THSD7B: variants seen among roughly 807,000 people sequenced by gnomAD.
THSD7B encodes the protein thrombospondin type 1 domain containing 7B.
THSD7B carries 138 observed loss-of-function variants against 213.6 expected under a neutral mutation model. The observed-to-expected ratio is 0.65, with a 90% CI of 0.56 to 0.74. The LOEUF is 0.74. THSD7B is among the 30% of genes least tolerant of loss of function. THSD7B has a pLI of 0.00. For synonymous variants in THSD7B, 742 were observed against 687.0 expected, an observed-to-expected ratio of 1.08 and a Z score of -1.25; for missense variants, 1,931 against 1,991.5, an observed-to-expected ratio of 0.97 and a Z score of 0.58.
chr2:136,925,102 A>G (rs573531), intron 2 of THSD7B, among the ~76,000 whole-genome samples: 150,022 of 152,286 alleles, frequency 0.99, 73,944 homozygotes, highest in East Asian at 1. Flanking sequence ...TTCCACACAC[A>G]CAATGAGGTC....
At chr2:137,259,624 C>G (rs1444397549) in intron 10 of THSD7B, among the ~76,000 whole-genome samples, 2 of 152,022 alleles carry the variant, frequency 1.3e-5, no homozygotes, top group African/African-American at 4.8e-5. Context: ...TTCTCCCATT[C>G]TGTATGTTGC....
At chr2:137,093,775 G>C (rs911922943) in intron 3 of THSD7B, among the ~76,000 whole-genome samples, 1 of 149,296 alleles carries the variant, frequency 6.7e-6, no homozygotes, top group Non-Finnish European at 1.5e-5. Flanking sequence ...TTTATTATTA[G>C]TATACTTTAA....
At position 136,795,747 on chromosome 2, in the gene THSD7B, G is replaced by A. The variant is rs189224302; in HGVS notation, c.-36+30060G>A. ...ACTCTCACTCCAACCCCTCTCTCTT[G>A]CCTTTTTGAGAATTAAATGAGTATT... On this transcript the variant is annotated intron_variant, in intron 1 of 27. Transcript: ENST00000409968. Among the ~76,000 whole-genome samples the A allele has an allele frequency of 3.0e-4, 45 of 151,538 alleles. No homozygotes were observed. In the East Asian group the frequency reaches 8.6e-3, roughly 29 times the overall value.
intron 17 of THSD7B, among the ~76,000 whole-genome samples, chr2:137,604,498 CT>C (rs1558856773): frequency 6.6e-6 from 1 of 152,104 alleles, no homozygotes; most frequent in Non-Finnish European, 1.5e-5. Flanking sequence ...CAGATTTTTG[CT>C]TTGAATTTTA....
chr2:137,604,437 G>A (rs1039570345), intron 17 of THSD7B, among the ~76,000 whole-genome samples: 1 of 152,074 alleles, frequency 6.6e-6, no homozygotes, highest in African/African-American at 2.4e-5. Flanking sequence ...CACTTTACCT[G>A]TGATTTTTAT....
At chr2:136,855,920 C>T (rs1056815349) in intron 1 of THSD7B, among the ~76,000 whole-genome samples, 1 of 152,046 alleles carries the variant, frequency 6.6e-6, no homozygotes, top group Non-Finnish European at 1.5e-5. Context: ...CCTCCTTTTC[C>T]CCAGATCTTC....
chr2:136,908,275 A>G (rs1323181551), intron 2 of THSD7B, among the ~76,000 whole-genome samples: 1 of 152,206 alleles, frequency 6.6e-6, no homozygotes, highest in Non-Finnish European at 1.5e-5. Flanking sequence ...AGCAGCAATA[A>G]TAATATTTAT....
At chr2:136,861,976 C>G (rs1683264364) in intron 1 of THSD7B, among the ~76,000 whole-genome samples, 2 of 152,160 alleles carry the variant, frequency 1.3e-5, no homozygotes, top group African/African-American at 4.8e-5. Flanking sequence ...TGGTTGTTGG[C>G]AGAAGACCTC....
intron 20 of THSD7B, among the ~76,000 whole-genome samples, chr2:137,630,009 C>T (rs1373341251): frequency 5.5e-5 from 8 of 146,654 alleles, no homozygotes; most frequent in Non-Finnish European, 7.5e-5. Context: ...TTTTTTTTTT[C>T]GCGATACAGA....
chr2:137,657,351 A>C (rs565038525), intron 24 of THSD7B, among the ~76,000 whole-genome samples, 191 bp downstream of exon 24: 100 of 152,364 alleles, frequency 6.6e-4, no homozygotes, highest in African/African-American at 2.3e-3. Context: ...ACCTATAAAA[A>C]TATCAAACAA....
chr2:137,219,163 A>G (rs1167545501), intron 7 of THSD7B, among the ~76,000 whole-genome samples: 1 of 152,132 alleles, frequency 6.6e-6, no homozygotes, highest in African/African-American at 2.4e-5. Flanking sequence ...ACTAGTCATT[A>G]GACCCCTGCC....
chr2:137,381,828 A>G (rs767509375), intron 12 of THSD7B, among the ~76,000 whole-genome samples: 3 of 152,156 alleles, frequency 2.0e-5, no homozygotes, highest in African/African-American at 7.2e-5. Context: ...CCACCCAGGG[A>G]CTTCAGCTCA....
intron 2 of THSD7B, among the ~76,000 whole-genome samples, chr2:137,041,304 TGATGATGG>T (rs1686877635): frequency 6.6e-6 from 1 of 152,156 alleles, no homozygotes; most frequent in South Asian, 2.1e-4. Context: ...TTGAGGTTGT[TGATGATGG>T]GATGAGCATA....
chr2:137,620,499 T>C, intron 19 of THSD7B, 110 bp from the exon 20 acceptor site: 1 of 718,234 alleles, frequency 1.4e-6, no homozygotes, highest in East Asian at 2.7e-5. Context: ...CCCACTGAAA[T>C]ATGGAAAGGT....
chr2:136,895,152 A>G (rs1683933344), intron 2 of THSD7B, among the ~76,000 whole-genome samples: 1 of 152,168 alleles, frequency 6.6e-6, no homozygotes, highest in African/African-American at 2.4e-5. Context: ...TTCAAAAAAT[A>G]TTATATTATG....
At position 137,436,041 on chromosome 2, in the gene THSD7B, A is replaced by G. The variant is rs565700959; in HGVS notation, c.2960-14804A>G. 2.2e-4 allele frequency among the ~76,000 whole-genome samples: 33 copies of G among 152,172 alleles called. No individual in the cohort carries two copies. The South Asian group carries it at 6.6e-3, about 31-fold the overall frequency. ...ATTCAGTTTCATAATTTCCCCTTTC[A>G]GTCTGTATCCCCAATCCTATTAGCT... On this transcript the variant is annotated intron_variant, in intron 14 of 27. Transcript: ENST00000409968.
chr2:136,779,174 C>G (rs1041539196), intron 1 of THSD7B, among the ~76,000 whole-genome samples: 1 of 148,178 alleles, frequency 6.7e-6, no homozygotes, highest in Admixed American at 6.8e-5. Flanking sequence ...TTTGGGGACA[C>G]GTGTTAAAAG....
intron 15 of THSD7B, among the ~76,000 whole-genome samples, chr2:137,485,556 CA>C: frequency 6.6e-6 from 1 of 152,172 alleles, no homozygotes; most frequent in East Asian, 1.9e-4. Flanking sequence ...AGAATGGAAC[CA>C]AGTTGGAAAA....
intron 10 of THSD7B, among the ~76,000 whole-genome samples, chr2:137,243,351 G>T (rs1681957022): frequency 6.6e-6 from 1 of 152,110 alleles, no homozygotes; most frequent in Admixed American, 6.6e-5. Flanking sequence ...TGGCCCTTTG[G>T]ATCTTACCAT....
Sources: allele counts gnomAD v4.1 joint callset (sites outside exome capture counted in the v4.1 genomes callset), GRCh38; gene constraint gnomAD v4.1.1; transcripts MANE v1.5; gene names NCBI Gene and HGNC (gene_info 2026-07-23, HGNC 2026-07-21).